Variants in AIFM2 observed in about 807,000 individuals in gnomAD.
AIFM2 encodes the protein ferroptosis suppressor protein 1.
Under a neutral mutation model 35.7 loss-of-function variants are expected in AIFM2, and 38 were observed. The observed-to-expected ratio is 1.06, with a 90% confidence interval of 0.82 to 1.39. The LOEUF is 1.39. Ranked by LOEUF, AIFM2 falls within the 40% of genes most tolerant of loss-of-function variation. The pLI is 0.00. For synonymous variants in AIFM2, 185 were observed against 203.5 expected (o/e 0.91, Z 0.77); for missense variants, 476 against 491.2 (o/e 0.97, Z 0.29).
At chr10:70,119,182 G>A (rs1353704924) in intron 5 of AIFM2, among the ~76,000 whole-genome samples, 1 of 152,190 alleles carries the variant, frequency 6.6e-6, no homozygotes, top group Non-Finnish European at 1.5e-5. Flanking sequence ...CGCCCTATGT[G>A]CCCCTTCATC....
Position 70,123,374 on chromosome 10 carries a change from C to A in AIFM2, c.294+31G>T, listed in dbSNP as rs1451422390. On this transcript the variant is annotated intron_variant, in intron 3 of 8. Coordinates refer to ENST00000307864, the MANE Select transcript of AIFM2 (RefSeq NM_032797.6). ...CCAGGCCCTGCAGAGGGCCCTTGAGCCAGCTGGCAGCCGGGCTGGCCCTCA... is the reference window on the plus strand; with the variant it reads ...CCAGGCCCTGCAGAGGGCCCTTGAGACAGCTGGCAGCCGGGCTGGCCCTCA... 7 of 1,599,072 alleles carry A rather than the reference C, an allele frequency of 4.4e-6. No homozygotes were observed. In the South Asian group the frequency reaches 6.6e-5, roughly 15 times the overall value.
rs1392820277 is a variant in AIFM2 at position 70,118,627 on chromosome 10, T to G, written c.508-707A>C. 2.0e-5 allele frequency among the ~76,000 whole-genome samples: 3 copies of G among 152,354 alleles called. No homozygotes were observed. The East Asian group carries it at 5.8e-4, about 29-fold the overall frequency. On this transcript the variant is annotated intron_variant, in intron 5 of 8. Transcript: ENST00000307864. ...CATGTGGATATTTTACTGAGTTACT[T>G]GAACTTTTTTACTACTTCAGACTGG...
At chr10:70,119,016 A>C (rs1255706607) in intron 5 of AIFM2, among the ~76,000 whole-genome samples, 1 of 152,142 alleles carries the variant, frequency 6.6e-6, no homozygotes, top group Non-Finnish European at 1.5e-5. Context: ...TGAGGTCATA[A>C]TCAACCTTGC....
intron 1 of AIFM2, among the ~76,000 whole-genome samples, chr10:70,125,473 C>T (rs1312811537): frequency 2.1e-5 from 2 of 96,590 alleles, no homozygotes; most frequent in Admixed American, 1.1e-4. Context: ...AAAAAAAAAG[C>T]CAGGCGTGGT....
intron 2 of AIFM2, 64 bp downstream of exon 2, chr10:70,123,843 A>G (rs573299327): frequency 1.1e-5 from 16 of 1,462,162 alleles, no homozygotes; most frequent in Non-Finnish European, 1.5e-5. Flanking sequence ...CAGCCCTAAA[A>G]TCAAGCCCCA....
In AIFM2 at chr10:70,116,518, G is replaced by C. The variant is rs370068182; in HGVS notation, c.769+104C>G. The C allele has an allele frequency of 2.8e-4, 393 of 1,410,438 alleles. 1 individual carries two copies. Among genetic ancestry groups the C allele is most frequent in the Non-Finnish European group, 3.8e-4 (383 of 1,015,774 alleles). The allele number at this position is 1,410,438 out of a possible 1,614,324, so 87.4% of individuals were successfully genotyped here. On this transcript the variant is annotated intron_variant, in intron 7 of 8. Coordinates refer to ENST00000307864, the MANE Select transcript of AIFM2 (RefSeq NM_032797.6). ...GTCTGAGCTGTTGGGAAGAAAGGGG[G>C]AAGGCAGCAAGGTGTGGACTCCTGG...
At chr10:70,116,163 G>A (rs755786626) in intron 7 of AIFM2, among the ~76,000 whole-genome samples, 2 of 152,122 alleles carry the variant, frequency 1.3e-5, no homozygotes, top group Admixed American at 6.5e-5. Flanking sequence ...AGCTAAATAC[G>A]CAAATACTGA....
intron 3 of AIFM2, among the ~76,000 whole-genome samples, chr10:70,121,885 A>C (rs1391334822): frequency 6.6e-6 from 1 of 151,184 alleles, no homozygotes; most frequent in African/African-American, 2.5e-5. Context: ...TGAGGTCAGG[A>C]GTTTGAAACC....
In AIFM2 at chr10:70,123,387, G is replaced by A. The variant is rs368505767; in HGVS notation, c.294+18C>T. 3.5e-5 allele frequency: 56 copies of A among 1,607,714 alleles called. 2 individuals carry two copies. The South Asian group carries it at 4.8e-4, about 14-fold the overall frequency. On this transcript the variant is annotated intron_variant, in intron 3 of 8. Transcript: ENST00000307864. ...AGGGCCCTTGAGCCAGCTGGCAGCC[G>A]GGCTGGCCCTCACTCACCTCGCCAC...
At chr10:70,127,716 T>C (rs924785629) in intron 1 of AIFM2, among the ~76,000 whole-genome samples, 33 of 152,300 alleles carry the variant, frequency 2.2e-4, no homozygotes, top group African/African-American at 7.9e-4. Flanking sequence ...ATCATCAACC[T>C]GCTTCCCCGA....
intron 1 of AIFM2, among the ~76,000 whole-genome samples, chr10:70,126,928 C>G (rs1042078092): frequency 6.6e-6 from 1 of 152,210 alleles, no homozygotes; most frequent in Non-Finnish European, 1.5e-5. Flanking sequence ...GACAACCCCC[C>G]GGCAGGCAGG....
At chr10:70,118,072 T>C (rs907807210) in intron 5 of AIFM2, 152 bp from the exon 6 acceptor site, 1 of 605,814 alleles carries the variant, frequency 1.7e-6, no homozygotes, top group Non-Finnish European at 2.9e-6. Context: ...CAGGACCAAT[T>C]AGTGGTGAGC....
rs527288125 is a variant in AIFM2, at chr10:70,123,408, G to A, written c.291C>T (p.Gly97=). ...LKNQMVLLQG[G]EALPFSHLIL... is the part of the protein sequence containing the mutation. Reference sequence around the variant, plus strand: ...AGCCGGGCTGGCCCTCACTCACCTCGCCACCCTGCAGCAGCACCATCTGGT... The same window carrying A: ...AGCCGGGCTGGCCCTCACTCACCTCACCACCCTGCAGCAGCACCATCTGGT... The change falls in exon 3 of 9, where the codon GGC becomes GGT. Residue 97 remains glycine, a synonymous_variant. Coordinates refer to ENST00000307864, the MANE Select transcript of AIFM2 (RefSeq NM_032797.6). 10 of 1,613,728 alleles carry A rather than the reference G, an allele frequency of 6.2e-6. No homozygotes were observed. Among genetic ancestry groups the A allele is most frequent in the South Asian group, 4.4e-5 (4 of 91,058 alleles).
chr10:70,120,962 A>G, intron 4 of AIFM2, 130 bp downstream of exon 4: 3 of 1,449,404 alleles, frequency 2.1e-6, no homozygotes, highest in Admixed American at 2.3e-5. Flanking sequence ...CTTCCTAGTG[A>G]CTCTCCAACT....
chr10:70,119,233 A>C (rs1029775447), intron 5 of AIFM2, among the ~76,000 whole-genome samples: 1 of 152,208 alleles, frequency 6.6e-6, no homozygotes, highest in Non-Finnish European at 1.5e-5. Flanking sequence ...CTTCGTCATA[A>C]ATCAGCAACA....
Position 70,123,987 on chromosome 10 carries a change from A to G in AIFM2, c.98T>C (p.Leu33Pro). ...GTCCACCAGCATGAAGGGGACGTTC[A>G]GGGCCTGCAGCTGGCTGGCTGCTGC... ...GIAAASQLQALNVPFMLVDMK... is the reference protein window; with the variant it reads ...GIAAASQLQAPNVPFMLVDMK... The change falls in exon 2 of 9, where the codon CTG (leucine) becomes CCG (proline). Residue 33 changes from leucine to proline, a missense_variant. Physicochemically the swap from Leu to Pro is moderately conservative, Grantham distance 98. Transcript: ENST00000307864. 6.2e-7 allele frequency: 1 copy of G among 1,613,394 alleles called. No homozygotes were observed. Among genetic ancestry groups the G allele is most frequent in the Non-Finnish European group, 8.5e-7 (1 of 1,179,578 alleles).
At position 70,121,452 on chromosome 10, in the gene AIFM2, G is replaced by A. The variant is rs146390687; in HGVS notation, c.295-241C>T. 4.7e-3 allele frequency among the ~76,000 whole-genome samples: 709 copies of A among 152,182 alleles called. 1 individual carries two copies. The highest frequency in any genetic ancestry group is 6.4e-3 in the Non-Finnish European group (435 of 68,018). On this transcript the variant is annotated intron_variant, in intron 3 of 8. Coordinates refer to ENST00000307864, the MANE Select transcript of AIFM2 (RefSeq NM_032797.6). ...ACCTAAGGAAGTAGAGTTTACCTCC[G>A]CGTGGAGAATGTGGGGGCAACTGGA... is the stretch of plus-strand genomic sequence containing the variant.
intron 3 of AIFM2, among the ~76,000 whole-genome samples, chr10:70,122,034 G>A (rs1388031699): frequency 1.3e-5 from 2 of 152,040 alleles, no homozygotes; most frequent in Non-Finnish European, 2.9e-5. Context: ...AGAGGTTGTG[G>A]TGACCCGAGA....
Position 70,117,288 on chromosome 10 carries a change from C to T in AIFM2, c.617-514G>A, listed in dbSNP as rs1402718003. On this transcript the variant is annotated intron_variant, in intron 6 of 8. Coordinates refer to ENST00000307864, the MANE Select transcript of AIFM2 (RefSeq NM_032797.6). This position sits in a 1 kb window ranked among gnomAD's most constrained non-coding sequence, Gnocchi z 4.7. ...GACAGGTGCCTCACCCTCCCGCAAA[C>T]AGTGAGGGGGCTGGGGCCCCATGCA... Among the ~76,000 whole-genome samples the T allele has an allele frequency of 6.6e-6, 1 of 152,218 alleles. No homozygotes were observed. The highest frequency in any genetic ancestry group is 1.5e-5 in the Non-Finnish European group (1 of 68,030).
Sources: allele counts gnomAD v4.1 joint callset (sites outside exome capture counted in the v4.1 genomes callset), GRCh38; gene constraint gnomAD v4.1.1; non-coding constraint Gnocchi (gnomAD v3.1); transcripts MANE v1.5; gene names NCBI Gene and HGNC (gene_info 2026-07-23, HGNC 2026-07-21).